The following GALNT13 variants were observed in gnomAD, a reference collection of about 807,000 sequenced individuals.
The protein encoded by GALNT13 is polypeptide N-acetylgalactosaminyltransferase 13.
GALNT13 carries 28 observed loss-of-function variants against 64.2 expected under a neutral mutation model. That is an observed-to-expected ratio of 0.44 (90% CI 0.32 to 0.60). The LOEUF (loss-of-function observed/expected upper bound fraction) is 0.60, where lower values mean the gene tolerates loss of function less well. Among genes scored for constraint, GALNT13 ranks in the 20% least tolerant of loss-of-function variants. The pLI, the probability that GALNT13 is intolerant of heterozygous loss-of-function variation, is 0.05. For missense variants in GALNT13, 577 were observed against 669.8 expected (o/e 0.86, Z 1.53); for synonymous variants, 214 against 224.6 (o/e 0.95, Z 0.42).
intron 4 of GALNT13, among the ~76,000 whole-genome samples, chr2:154,147,245 G>A (rs570705284): frequency 5.3e-5 from 8 of 151,608 alleles, no homozygotes; most frequent in Admixed American, 2.0e-4. Context: ...AGCATTTATC[G>A]GGACCTAATT....
rs775049778 is a variant in GALNT13 at position 154,433,551 on chromosome 2, A to G, written c.1396-5041A>G. Among the ~76,000 whole-genome samples the G allele has an allele frequency of 7.2e-4, 110 of 152,176 alleles. 1 individual carries two copies. The highest frequency in any genetic ancestry group is 1.1e-3 in the Non-Finnish European group (77 of 68,034). On this transcript the variant is annotated intron_variant, in intron 11 of 12. Transcript: ENST00000392825. ...TGGGTGAATTTAGGAGTGGGTAGGA[A>G]CAGTGAGGAATAAAAAAAAAGCTTA...
chr2:153,121,711 T>C, the GALNT13 span, among the ~76,000 whole-genome samples: 4 of 152,046 alleles, frequency 2.6e-5, no homozygotes, highest in African/African-American at 9.7e-5. Context: ...ATTTTGTATT[T>C]TTAGTAGAGA....
intron 3 of GALNT13, among the ~76,000 whole-genome samples, chr2:153,946,405 T>C (rs1691744256): frequency 6.6e-6 from 1 of 152,180 alleles, no homozygotes; most frequent in African/African-American, 2.4e-5. Context: ...ATTAAACTAT[T>C]GTTCTCTTTG....
chr2:153,765,470 CAT>C, the GALNT13 span, among the ~76,000 whole-genome samples: 1 of 152,168 alleles, frequency 6.6e-6, no homozygotes, highest in Non-Finnish European at 1.5e-5. Context: ...CTATTTGAAA[CAT>C]GTGTAATTAC....
chr2:153,820,978 G>A, the GALNT13 span, among the ~76,000 whole-genome samples: 13,265 of 151,606 alleles, frequency 0.087, 754 homozygotes, highest in African/African-American at 0.16. Flanking sequence ...CATCTGACAC[G>A]TAATGACACC....
chr2:153,266,748 A>G, the GALNT13 span, among the ~76,000 whole-genome samples: 3 of 152,260 alleles, frequency 2.0e-5, no homozygotes, highest in African/African-American at 4.8e-5. Context: ...ACAATTGGAG[A>G]TGAGATTTGG....
At chr2:154,131,397 TA>T (rs1182851372) in intron 3 of GALNT13, among the ~76,000 whole-genome samples, 1 of 152,222 alleles carries the variant, frequency 6.6e-6, no homozygotes, top group Non-Finnish European at 1.5e-5. Flanking sequence ...TCTCAGCTAC[TA>T]AATATTTTCC....
chr2:153,129,598 C>A, the GALNT13 span, among the ~76,000 whole-genome samples: 2 of 152,070 alleles, frequency 1.3e-5, no homozygotes, highest in Admixed American at 6.6e-5. Context: ...CATAGTGAAA[C>A]CCTGTCTGTA....
the GALNT13 span, among the ~76,000 whole-genome samples, chr2:153,213,740 T>A: frequency 6.6e-6 from 1 of 152,164 alleles, no homozygotes; most frequent in African/African-American, 2.4e-5. Context: ...CATTCCTTCA[T>A]CTCTAAAATG....
intron 8 of GALNT13, among the ~76,000 whole-genome samples, chr2:154,282,840 A>G (rs887759887): frequency 2.6e-5 from 4 of 152,164 alleles, no homozygotes; most frequent in Non-Finnish European, 2.9e-5. Flanking sequence ...AGATGTTATC[A>G]TTACCTCAGA....
At chr2:153,985,838 A>G (rs1280146404) in intron 3 of GALNT13, among the ~76,000 whole-genome samples, 1 of 152,044 alleles carries the variant, frequency 6.6e-6, no homozygotes, top group Non-Finnish European at 1.5e-5. Context: ...GCTATTCAGT[A>G]GGAAGCTGAA....
chr2:153,678,907 C>G, the GALNT13 span, among the ~76,000 whole-genome samples: 4 of 151,906 alleles, frequency 2.6e-5, no homozygotes, highest in East Asian at 3.9e-4. Context: ...TCCCAGTAGG[C>G]CACAAAAAAC....
At chr2:153,329,122 C>T in the GALNT13 span, among the ~76,000 whole-genome samples, 1 of 152,074 alleles carries the variant, frequency 6.6e-6, no homozygotes, top group African/African-American at 2.4e-5. Context: ...GCTTGCCTTC[C>T]ATGGGCTGCA....
intron 4 of GALNT13, among the ~76,000 whole-genome samples, chr2:154,145,070 C>CTA (rs1553484399): frequency 2.0e-3 from 276 of 136,212 alleles, no homozygotes; most frequent in South Asian, 4.8e-3. Flanking sequence ...CTCTCTCTCT[C>CTA]TCTATCTATC....
At chr2:153,842,246 T>C in the GALNT13 span, among the ~76,000 whole-genome samples, 2 of 152,266 alleles carry the variant, frequency 1.3e-5, no homozygotes, top group East Asian at 3.9e-4. Flanking sequence ...TTTATCCCTT[T>C]CTTTTCAAAA....
the GALNT13 span, among the ~76,000 whole-genome samples, chr2:153,734,624 A>G: frequency 6.6e-6 from 1 of 152,136 alleles, no homozygotes; most frequent in Non-Finnish European, 1.5e-5. Context: ...TGGCTGCAAA[A>G]GGGATGGATT....
At chr2:154,081,402 A>T (rs1039753655) in intron 3 of GALNT13, among the ~76,000 whole-genome samples, 1 of 151,334 alleles carries the variant, frequency 6.6e-6, no homozygotes, top group Non-Finnish European at 1.5e-5. Context: ...AACTTGCATC[A>T]CTCCCCTTGT....
chr2:153,155,585 TA>T, the GALNT13 span, among the ~76,000 whole-genome samples: 1 of 152,182 alleles, frequency 6.6e-6, no homozygotes, highest in African/African-American at 2.4e-5. Context: ...TTGTCATTTC[TA>T]ATTCTGTTTA....
chr2:153,256,260 A>G, the GALNT13 span, among the ~76,000 whole-genome samples: 279 of 151,938 alleles, frequency 1.8e-3, no homozygotes, highest in Middle Eastern at 6.8e-3. Flanking sequence ...TGATCGCATC[A>G]GCTCCTGAGG....
Sources: allele counts gnomAD v4.1 joint callset (sites outside exome capture counted in the v4.1 genomes callset), GRCh38; gene constraint gnomAD v4.1.1; transcripts MANE v1.5; gene names NCBI Gene and HGNC (gene_info 2026-07-23, HGNC 2026-07-21).